The following ZNF208 variants were observed in gnomAD, a reference collection of about 807,000 sequenced individuals.
ZNF208 encodes zinc finger protein 95.
In ZNF208, 10 loss-of-function variants were observed where a neutral mutation model predicts 12.1. The ratio of observed to expected loss-of-function variants is 0.83; its 90% CI spans 0.51 to 1.40. The LOEUF (loss-of-function observed/expected upper bound fraction) is 1.40, where lower values mean the gene tolerates loss of function less well. Among genes scored for constraint, ZNF208 ranks in the 40% most tolerant of loss-of-function variants. The probability of loss-of-function intolerance (pLI) is 0.00; values close to 1 mark genes in which losing one functional copy is unlikely to be tolerated. For synonymous variants in ZNF208, 497 were observed against 488.4 expected (o/e 1.02, Z -0.23); for missense variants, 1,652 against 1,485.0 (o/e 1.11, Z -1.85).
chr19:21,988,957 T>A (rs770292529), intron 1 of ZNF208, 48 bp from the exon 2 acceptor site: 1 of 1,607,042 alleles, frequency 6.2e-7, no homozygotes, highest in Non-Finnish European at 8.5e-7. Context: ...TGGGCAGAAT[T>A]TTTAATTTGA....
In ZNF208 at chr19:21,971,781, AG is replaced by A; in HGVS notation, c.3252del (p.Tyr1085ThrfsTer49). 2 of 1,613,960 alleles carry A rather than the reference AG, an allele frequency of 1.2e-6. No individual in the cohort carries two copies. The highest frequency in any genetic ancestry group is 1.7e-6 in the Non-Finnish European group (2 of 1,179,940). ...GCTTTGCCACATTCTTCACATTTGT[AG>A]GGTTCCTCTCCAGCATGAGTTGCCT... ...EHKATHAGEE[P>X]YKCEECGKAF... On this transcript the variant is annotated frameshift_variant, in exon 4 of 4. Coordinates refer to ENST00000397126, the MANE Select transcript of ZNF208 (RefSeq NM_007153.3). LOFTEE classifies it low-confidence loss of function (END_TRUNC).
At chr19:21,951,357 G>A (rs1027633905) in intron 4 of ZNF208, among the ~76,000 whole-genome samples, 1 of 152,094 alleles carries the variant, frequency 6.6e-6, no homozygotes, top group African/African-American at 2.4e-5. Flanking sequence ...AAATGAATGT[G>A]TATGCAACGT....
rs1231413327 is a variant in ZNF208, at chr19:21,969,737, C to T, written c.*1454G>A. Among the ~76,000 whole-genome samples, 2 of 131,028 alleles carry T rather than the reference C, an allele frequency of 1.5e-5. No individual in the cohort carries two copies. The highest frequency in any genetic ancestry group is 7.7e-5 in the Admixed American group (1 of 13,062). 86.0% of individuals were successfully genotyped at this position (131,028 alleles called of 152,430 possible). On this transcript the variant is annotated 3_prime_UTR_variant, in exon 4 of 4. Coordinates refer to ENST00000397126, the MANE Select transcript of ZNF208 (RefSeq NM_007153.3). ...ATCTGTGATACAAGTACATGTACTA[C>T]AACCCTCTTAATATTTATAATGTGT... is the stretch of plus-strand genomic sequence containing the variant.
chr19:21,949,408 T>C (rs1158700762), intron 4 of ZNF208, among the ~76,000 whole-genome samples: 1 of 152,188 alleles, frequency 6.6e-6, no homozygotes. Context: ...GAACACCGGA[T>C]AAAGAAAGAA....
At position 21,988,832 on chromosome 19, in the gene ZNF208, A is replaced by T. The variant is rs1279690111; in HGVS notation, c.81T>A (p.Asn27Lys). Residue 27 changes from asparagine (N) to lysine (K), a missense_variant, in exon 2 of 4, where the codon AAT (asparagine) becomes AAA (lysine). Transcript: ENST00000397126. ...EWQCLDTAQQ[N>K]LYRNVMLENY... is the part of the protein sequence containing the mutation. ...TCTCTAACATCACATTTCTATATAAATTCTGCTGTGCAGTGTCCAGGCATT... is the reference window on the plus strand; with the variant it reads ...TCTCTAACATCACATTTCTATATAATTTCTGCTGTGCAGTGTCCAGGCATT... 1.2e-6 allele frequency: 2 copies of T among 1,614,064 alleles called. No individual in the cohort carries two copies. The highest frequency in any genetic ancestry group is 3.3e-5 in the Admixed American group (2 of 60,008).
chr19:21,981,795 T>C (rs1157327100), intron 3 of ZNF208, among the ~76,000 whole-genome samples: 4 of 152,290 alleles, frequency 2.6e-5, no homozygotes, highest in Middle Eastern at 3.4e-3. Flanking sequence ...GACATGATTG[T>C]ATATTTAGAA....
rs946683911 is a variant in ZNF208, at chr19:21,969,234, C to T, written c.*1957G>A. ...TCCTGACCTCAGGTGATCTGCCCAC[C>T]TTGGCATCACAAAGTATTGGCCACA... On this transcript the variant is annotated 3_prime_UTR_variant, in exon 4 of 4. Transcript: ENST00000397126. Among the ~76,000 whole-genome samples, 7 of 151,762 alleles carry T rather than the reference C, an allele frequency of 4.6e-5. No homozygotes were observed. The highest frequency in any genetic ancestry group is 1.5e-4 in the African/African-American group (6 of 41,278).
chr19:22,001,917 A>AAAAAAAAAAAAAAAAAAAAAAAAAAAC (rs1970959917), intron 1 of ZNF208, among the ~76,000 whole-genome samples: 1 of 138,258 alleles, frequency 7.2e-6, no homozygotes, highest in East Asian at 2.1e-4. Flanking sequence ...AAAAAAAAAA[A>AAAAAAAAAAAAAAAAAAAAAAAAAAAC]AAAAGAAAAA....
chr19:21,995,405 AAC>A (rs1367139722), intron 1 of ZNF208, among the ~76,000 whole-genome samples: 1 of 152,154 alleles, frequency 6.6e-6, no homozygotes, highest in African/African-American at 2.4e-5. Context: ...TAACGGGTGA[AAC>A]AAACACGAGA....
downstream of ZNF208, among the ~76,000 whole-genome samples, chr19:21,964,238 T>C (rs566568580): frequency 1.8e-4 from 27 of 152,006 alleles, no homozygotes; most frequent in Middle Eastern, 3.4e-3. Flanking sequence ...CATACACATA[T>C]ATACATTTTA....
At chr19:22,002,787 A>T (rs1970974906) in intron 1 of ZNF208, among the ~76,000 whole-genome samples, 1 of 152,236 alleles carries the variant, frequency 6.6e-6, no homozygotes, top group African/African-American at 2.4e-5. Context: ...AAATTTACAG[A>T]TGTAATGCTA....
intron 1 of ZNF208, among the ~76,000 whole-genome samples, chr19:22,006,320 T>A (rs1055499190): frequency 6.6e-6 from 1 of 152,146 alleles, no homozygotes; most frequent in African/African-American, 2.4e-5. Flanking sequence ...TCCTTAAAGA[T>A]CTTATAGTTG....
At chr19:21,946,393 A>C (rs765132073) in intron 4 of ZNF208, among the ~76,000 whole-genome samples, 1 of 151,970 alleles carries the variant, frequency 6.6e-6, no homozygotes, top group Admixed American at 6.6e-5. Flanking sequence ...ACTAAGCACA[A>C]TTTTTTCCCA....
rs1198521214 is a variant in ZNF208 at position 21,973,798 on chromosome 19, A to G, written c.1236T>C (p.Leu412=). The part of the protein sequence containing the change: ...CGKGFSMFSI[L]TKHEVIHTGE... ...CAGTATGAATGACCTCATGTTTAGT[A>G]AGGATTGAGAACATACTAAAACCTT... is the stretch of plus-strand genomic sequence containing the variant. The change falls in exon 4 of 4, where the codon CTT becomes CTC. Residue 412 remains leucine (L), a synonymous_variant. Transcript: ENST00000397126. 6.2e-7 allele frequency: 1 copy of G among 1,605,796 alleles called. No individual in the cohort carries two copies. Among genetic ancestry groups the G allele is most frequent in the African/African-American group, 1.3e-5 (1 of 74,656 alleles).
In ZNF208 at chr19:21,973,888, T is replaced by C. The variant is rs372334137; in HGVS notation, c.1146A>G (p.Ser382=). 18 of 1,613,416 alleles carry C rather than the reference T, an allele frequency of 1.1e-5. No individual in the cohort carries two copies. In the South Asian group the frequency reaches 1.3e-4, roughly 12 times the overall value. ...EECGKAYKWP[S]TLSYHKKIHT... ...GAATTTTCTTATGATAACTAAGGGT[T>C]GAGGGCCACTTATAGGCTTTGCCGC... is the stretch of plus-strand genomic sequence containing the variant. Residue 382 remains serine (S), a synonymous_variant, in exon 4 of 4, where the codon TCA becomes TCG. Coordinates refer to ENST00000397126, the MANE Select transcript of ZNF208 (RefSeq NM_007153.3).
At chr19:21,983,115 C>T (rs990480207) in intron 3 of ZNF208, among the ~76,000 whole-genome samples, 4 of 151,974 alleles carry the variant, frequency 2.6e-5, no homozygotes, top group Admixed American at 6.6e-5. Flanking sequence ...ATCTATCCAT[C>T]TGACAAAGGG....
At chr19:22,007,984 A>G (rs1421422006) in intron 1 of ZNF208, among the ~76,000 whole-genome samples, 3 of 137,004 alleles carry the variant, frequency 2.2e-5, no homozygotes, top group African/African-American at 5.7e-5. Flanking sequence ...AGCCTGGGTG[A>G]CAGAGGAAAG....
chr19:21,950,978 G>A (rs2214296), intron 4 of ZNF208, among the ~76,000 whole-genome samples: 93,895 of 152,060 alleles, frequency 0.62, 29,722 homozygotes, highest in African/African-American at 0.74. Context: ...TAGATAAAAT[G>A]TTAAGTCAAA....
intron 4 of ZNF208, among the ~76,000 whole-genome samples, chr19:21,957,034 T>C (rs947900992): frequency 7.2e-5 from 11 of 152,032 alleles, no homozygotes; most frequent in African/African-American, 2.7e-4. Context: ...GAAACAAAAA[T>C]CCATTTTCTA....
Sources: gnomAD v4.1 joint callset for allele counts (sites outside exome capture counted in the v4.1 genomes callset) on GRCh38, gnomAD v4.1.1 for gene constraint, MANE v1.5 for transcripts, NCBI Gene and HGNC (gene_info 2026-07-23, HGNC 2026-07-21) for gene names.